CADPS: variants seen among roughly 807,000 people sequenced by gnomAD.
CADPS encodes calcium dependent secretion activator.
CADPS carries 57 observed loss-of-function variants against 167.3 expected under a neutral mutation model. The ratio of observed to expected loss-of-function variants is 0.34; its 90% confidence interval spans 0.28 to 0.42. The LOEUF (loss-of-function observed/expected upper bound fraction) is 0.42. CADPS is among the 20% of genes least tolerant of loss of function. The pLI, the probability that CADPS is intolerant of heterozygous loss-of-function variation, is 1.00. For synonymous variants in CADPS, 676 were observed against 635.3 expected (o/e 1.06, Z -0.96); for missense variants, 1,414 against 1,738.1 (o/e 0.81, Z 3.32).
chr3:62,789,111 T>C (rs981944999), intron 1 of CADPS, among the ~76,000 whole-genome samples: 1 of 152,202 alleles, frequency 6.6e-6, no homozygotes, highest in African/African-American at 2.4e-5. Flanking sequence ...AGCAGAACTG[T>C]GGCAACATAA....
intron 13 of CADPS, among the ~76,000 whole-genome samples, chr3:62,530,066 G>A (rs922700996): frequency 1.3e-5 from 2 of 152,128 alleles, no homozygotes; most frequent in Non-Finnish European, 2.9e-5. Context: ...AATTTTAGAA[G>A]TTAAAAGTGC....
At chr3:62,569,914 C>T (rs577710204) in intron 9 of CADPS, among the ~76,000 whole-genome samples, 6 of 152,168 alleles carry the variant, frequency 3.9e-5, no homozygotes, top group South Asian at 2.1e-4. Context: ...CCCTCCCCTA[C>T]CAAAAAGATG....
chr3:62,667,800 G>A (rs747529130), intron 3 of CADPS, among the ~76,000 whole-genome samples: 1 of 151,916 alleles, frequency 6.6e-6, no homozygotes, highest in Non-Finnish European at 1.5e-5. Flanking sequence ...TTTTGGGGGT[G>A]GGGGGAGACA....
chr3:62,528,956 C>T (rs2073004003), intron 13 of CADPS, among the ~76,000 whole-genome samples: 1 of 151,998 alleles, frequency 6.6e-6, no homozygotes, highest in African/African-American at 2.4e-5. Context: ...GTCAGGAGTT[C>T]GAGACCAGCC....
chr3:62,784,177 A>T (rs764732908), intron 1 of CADPS, among the ~76,000 whole-genome samples: 9 of 152,232 alleles, frequency 5.9e-5, no homozygotes, highest in Non-Finnish European at 1.2e-4. Flanking sequence ...CTGGCCATAG[A>T]TGGTTTAAGA....
rs11353455 is a variant in CADPS at position 62,417,276 on chromosome 3, C to CTTTTTTTTTTTTTTTTTTTTTTTTTTT, written c.3778-14118_3778-14092dup. On this transcript the variant is annotated intron_variant, in intron 28 of 29. Coordinates refer to ENST00000383710, the MANE Select transcript of CADPS (RefSeq NM_003716.4). ...ACACAATAACTATTTTTCTTTTACT[C>CTTTTTTTTTTTTTTTTTTTTTTTTTTT]TTTTTTTTTTTTTTTTTTTTTTTTT... Among the ~76,000 whole-genome samples the CTTTTTTTTTTTTTTTTTTTTTTTTTTT allele has an allele frequency of 1.6e-4, 10 of 64,044 alleles. 5 individuals carry two copies. Among genetic ancestry groups the CTTTTTTTTTTTTTTTTTTTTTTTTTTT allele is most frequent in the Admixed American group, 4.1e-4 (2 of 4,890 alleles). 42.0% of individuals were successfully genotyped at this position (64,044 alleles called of 152,430 possible).
At chr3:62,652,749 T>C (rs1225773242) in intron 4 of CADPS, among the ~76,000 whole-genome samples, 1 of 152,100 alleles carries the variant, frequency 6.6e-6, no homozygotes, top group Non-Finnish European at 1.5e-5. Context: ...AAAAGAAAGA[T>C]GCTTTCTAGA....
At chr3:62,573,591 T>C (rs1352219745) in intron 8 of CADPS, among the ~76,000 whole-genome samples, 1 of 152,210 alleles carries the variant, frequency 6.6e-6, no homozygotes, top group Non-Finnish European at 1.5e-5. Context: ...ATTGTGTATC[T>C]GTAATTCCTG....
chr3:62,561,926 C>G (rs1258790504), intron 9 of CADPS, among the ~76,000 whole-genome samples: 1 of 152,146 alleles, frequency 6.6e-6, no homozygotes, highest in African/African-American at 2.4e-5. Flanking sequence ...ATAATAGATA[C>G]ATTCATTCTT....
intron 3 of CADPS, among the ~76,000 whole-genome samples, chr3:62,708,356 T>C (rs571146052): frequency 5.1e-4 from 77 of 152,258 alleles, no homozygotes; most frequent in African/African-American, 1.8e-3. Context: ...TGTATATATA[T>C]GTGTGGATAT....
chr3:62,654,417 T>C (rs575264245), intron 4 of CADPS, among the ~76,000 whole-genome samples: 7 of 152,062 alleles, frequency 4.6e-5, no homozygotes, highest in Non-Finnish European at 1.0e-4. Context: ...GGGATGAGGG[T>C]CTGATGGATA....
intron 26 of CADPS, among the ~76,000 whole-genome samples, chr3:62,451,164 G>A (rs890731910): frequency 6.6e-6 from 1 of 151,884 alleles, no homozygotes; most frequent in Non-Finnish European, 1.5e-5. Flanking sequence ...TAATTACCTC[G>A]ACCCTCCACC....
chr3:62,530,755 G>C (rs1300836576), intron 13 of CADPS: 2 of 1,288,050 alleles, frequency 1.6e-6, no homozygotes, highest in Non-Finnish European at 2.0e-6. Flanking sequence ...AGGGAGTTTT[G>C]CTCCCTTCAG....
At chr3:62,822,843 A>G (rs532059785) in intron 1 of CADPS, among the ~76,000 whole-genome samples, 1 of 152,160 alleles carries the variant, frequency 6.6e-6, no homozygotes, top group East Asian at 1.9e-4. Context: ...CTCCATCTCA[A>G]AAAAATAAAA....
chr3:62,811,069 T>C (rs1263737233), intron 1 of CADPS, among the ~76,000 whole-genome samples: 1 of 152,220 alleles, frequency 6.6e-6, no homozygotes, highest in African/African-American at 2.4e-5. Context: ...CCGTGGTTCT[T>C]AGCTTTCATC....
Position 62,533,063 on chromosome 3 carries a change from A to G in CADPS, c.2104-5T>C, listed in dbSNP as rs372756061. On this transcript the variant is annotated splice_polypyrimidine_tract_variant and splice_region_variant and intron_variant, in intron 12 of 29. Coordinates refer to ENST00000383710, the MANE Select transcript of CADPS (RefSeq NM_003716.4). Reference sequence around the variant, plus strand: ...CTGGCCAGGACTGAACCAGCCCTATATAAAGAATAAAGGAGAGACTTTCTT... The same window carrying G: ...CTGGCCAGGACTGAACCAGCCCTATGTAAAGAATAAAGGAGAGACTTTCTT... The G allele has an allele frequency of 1.4e-4, 229 of 1,611,784 alleles. No individual in the cohort carries two copies. Among genetic ancestry groups the G allele is most frequent in the Non-Finnish European group, 1.9e-4 (221 of 1,178,434 alleles).
chr3:62,735,010 C>G (rs1258816641), intron 3 of CADPS, among the ~76,000 whole-genome samples: 1 of 152,126 alleles, frequency 6.6e-6, no homozygotes, highest in Non-Finnish European at 1.5e-5. Context: ...ATGCAATTAC[C>G]TTATGTCCCA....
At chr3:62,846,426 G>C (rs1410871883) in intron 1 of CADPS, among the ~76,000 whole-genome samples, 1 of 152,102 alleles carries the variant, frequency 6.6e-6, no homozygotes, top group African/African-American at 2.4e-5. Flanking sequence ...TCGTTCTTTA[G>C]GGCTTGCAAA....
intron 3 of CADPS, among the ~76,000 whole-genome samples, chr3:62,693,738 T>G (rs1474407402): frequency 1.3e-5 from 2 of 150,730 alleles, no homozygotes; most frequent in Non-Finnish European, 1.5e-5. Flanking sequence ...TGAGCCGAGA[T>G]TGCATCACTG....
Sources: gnomAD v4.1 joint callset for allele counts (sites outside exome capture counted in the v4.1 genomes callset) on GRCh38, gnomAD v4.1.1 for gene constraint, MANE v1.5 for transcripts, NCBI Gene and HGNC (gene_info 2026-07-23, HGNC 2026-07-21) for gene names.